SCN8A: variants seen among roughly 807,000 people sequenced by gnomAD.
The protein encoded by SCN8A is sodium voltage-gated channel alpha subunit 8.
A neutral mutation model predicts 184.1 loss-of-function variants in SCN8A; 30 were observed. That is an observed-to-expected ratio of 0.16 (90% CI 0.12 to 0.22). The LOEUF (loss-of-function observed/expected upper bound fraction) is 0.22, where lower values mean the gene tolerates loss of function less well. Ranked by LOEUF, SCN8A falls within the 10% of genes least tolerant of loss-of-function variation. SCN8A has a pLI of 1.00. For missense variants in SCN8A, 1,057 were observed against 2,498.9 expected (o/e 0.42, Z 12.30); for synonymous variants, 852 against 907.0 (o/e 0.94, Z 1.09).
In SCN8A at chr12:51,615,673, A is replaced by T. The variant is rs377127663; in HGVS notation, c.-55+24314A>T. On this transcript the variant is annotated intron_variant, in intron 1 of 26. Coordinates refer to ENST00000627620, the MANE Select transcript of SCN8A (RefSeq NM_001330260.2). ...GCATGAAAACCCAATCAATAATGTT[A>T]TAATTTGTGCTTTTCAACCATCATT... Among the ~76,000 whole-genome samples the T allele has an allele frequency of 3.5e-4, 53 of 152,206 alleles. 1 individual carries two copies. The South Asian group carries it at 5.6e-3, about 16-fold the overall frequency.
chr12:51,742,486 C>A (rs938197159), intron 12 of SCN8A, among the ~76,000 whole-genome samples: 3 of 151,864 alleles, frequency 2.0e-5, no homozygotes, highest in African/African-American at 7.3e-5. Context: ...GTAAAAGTTT[C>A]TTTCCCTCAG....
chr12:51,601,758 G>A (rs1409388740), intron 1 of SCN8A, among the ~76,000 whole-genome samples: 1 of 151,932 alleles, frequency 6.6e-6, no homozygotes, highest in Non-Finnish European at 1.5e-5. Context: ...GGTTCCAGTG[G>A]TGAGGCTCAG....
chr12:51,731,132 T>G (rs569128958), intron 12 of SCN8A, among the ~76,000 whole-genome samples: 18 of 152,382 alleles, frequency 1.2e-4, no homozygotes, highest in African/African-American at 4.3e-4. Context: ...ACACTTAGGT[T>G]GCTTCCAAAT....
At chr12:51,780,423 C>G (rs1937861055) in intron 20 of SCN8A, among the ~76,000 whole-genome samples, 1 of 152,004 alleles carries the variant, frequency 6.6e-6, no homozygotes, top group Non-Finnish European at 1.5e-5. Context: ...TCTTCTGCCT[C>G]TCAACCACCT....
chr12:51,627,466 C>A (rs768819450), intron 1 of SCN8A, among the ~76,000 whole-genome samples: 1 of 152,192 alleles, frequency 6.6e-6, no homozygotes, highest in Non-Finnish European at 1.5e-5. Flanking sequence ...ACTGCAATCT[C>A]TGCCTCCCAG....
At chr12:51,627,316 T>C (rs1024595690) in intron 1 of SCN8A, among the ~76,000 whole-genome samples, 3 of 152,192 alleles carry the variant, frequency 2.0e-5, no homozygotes, top group Non-Finnish European at 4.4e-5. Context: ...AGCCTTAAAG[T>C]GCAATACAAT....
At chr12:51,677,979 A>G (rs1320128497) in intron 2 of SCN8A, among the ~76,000 whole-genome samples, 2 of 152,220 alleles carry the variant, frequency 1.3e-5, no homozygotes, top group Non-Finnish European at 2.9e-5. Context: ...AGTATTGTAA[A>G]AACCCAAAGC....
chr12:51,617,803 G>T (rs1024825357), intron 1 of SCN8A, among the ~76,000 whole-genome samples: 2 of 152,144 alleles, frequency 1.3e-5, no homozygotes, highest in African/African-American at 4.8e-5. Flanking sequence ...GTGGGCTGGG[G>T]TCCAAAATCA....
chr12:51,801,929 C>G (rs1938567177), intron 26 of SCN8A, among the ~76,000 whole-genome samples: 1 of 152,138 alleles, frequency 6.6e-6, no homozygotes, highest in African/African-American at 2.4e-5. Context: ...GTGGCATGCA[C>G]CTGTAACCCC....
chr12:51,679,721 C>CTTT (rs34564079), intron 2 of SCN8A, among the ~76,000 whole-genome samples: 21 of 85,480 alleles, frequency 2.5e-4, no homozygotes, highest in South Asian at 2.3e-3. Flanking sequence ...ACTATCTTGC[C>CTTT]TTTTTTTTTT....
intron 14 of SCN8A, among the ~76,000 whole-genome samples, chr12:51,760,434 T>C (rs1319260630): frequency 6.6e-6 from 1 of 152,222 alleles, no homozygotes; most frequent in Non-Finnish European, 1.5e-5. Context: ...CAACACCACA[T>C]AACTATGTCA....
At position 51,678,980 on chromosome 12, in the gene SCN8A, G is replaced by A. The variant is rs531475015; in HGVS notation, c.277-5194G>A. ...AGTCCCAGCTACTCGGGAGGCTGAG[G>A]CAGGAGAATGGCATGAACCCAGGAG... On this transcript the variant is annotated intron_variant, in intron 2 of 26. Coordinates refer to ENST00000627620, the MANE Select transcript of SCN8A (RefSeq NM_001330260.2). 3.5e-3 allele frequency among the ~76,000 whole-genome samples: 537 copies of A among 152,142 alleles called. 7 individuals carry two copies. The highest frequency in any genetic ancestry group is 4.8e-3 in the Non-Finnish European group (328 of 68,002).
intron 11 of SCN8A, among the ~76,000 whole-genome samples, chr12:51,708,366 G>C (rs769776100): frequency 2.0e-5 from 3 of 152,138 alleles, no homozygotes; most frequent in Non-Finnish European, 2.9e-5. Flanking sequence ...AGAAGACTTA[G>C]GGTAATTGTT....
chr12:51,662,278 G>T (rs1565878103), intron 1 of SCN8A, among the ~76,000 whole-genome samples: 1 of 152,162 alleles, frequency 6.6e-6, no homozygotes, highest in Non-Finnish European at 1.5e-5. Flanking sequence ...AAAGTTTGAA[G>T]GGTTTATTTT....
rs1942974227 is a variant in SCN8A at position 51,774,257 on chromosome 12, C to T, written c.3714C>T (p.Val1238=). The change falls in exon 20 of 27, where the codon GTC becomes GTT. Residue 1238 remains valine (V), a synonymous_variant. Coordinates refer to ENST00000627620, the MANE Select transcript of SCN8A (RefSeq NM_001330260.2). ...IRTILEYADK[V]FTYIFILEML... is the part of the protein sequence containing the mutation. Reference sequence around the variant, plus strand: ...CCATCCTGGAATATGCTGACAAAGTCTTCACCTATATCTTCATCCTGGAGA... The same window carrying T: ...CCATCCTGGAATATGCTGACAAAGTTTTCACCTATATCTTCATCCTGGAGA... 1 of 1,614,024 alleles carries T rather than the reference C, an allele frequency of 6.2e-7. No homozygotes were observed. The highest frequency in any genetic ancestry group is 1.1e-5 in the South Asian group (1 of 91,082).
chr12:51,754,493 A>G lies in SCN8A; in HGVS notation c.2370+2900A>G, dbSNP rs569515072. ...TTACAATGTTGTGAAGTAAAGTATGACCTTGTCCTGTGGTTGGAATGTGAG... is the reference window on the plus strand; with the variant it reads ...TTACAATGTTGTGAAGTAAAGTATGGCCTTGTCCTGTGGTTGGAATGTGAG... On this transcript the variant is annotated intron_variant, in intron 14 of 26. Transcript: ENST00000627620. Among the ~76,000 whole-genome samples, 9 of 152,156 alleles carry G rather than the reference A, an allele frequency of 5.9e-5. No homozygotes were observed. In the East Asian group the frequency reaches 1.4e-3, roughly 23 times the overall value.
chr12:51,620,194 A>G (rs1049020771), intron 1 of SCN8A, among the ~76,000 whole-genome samples: 4 of 152,302 alleles, frequency 2.6e-5, no homozygotes, highest in South Asian at 4.1e-4. Flanking sequence ...TTTCAATACA[A>G]TGGAGCATTT....
intron 6 of SCN8A, among the ~76,000 whole-genome samples, chr12:51,698,045 G>T (rs1381332155): frequency 6.6e-6 from 1 of 152,090 alleles, no homozygotes; most frequent in Non-Finnish European, 1.5e-5. Context: ...GTAGAGATGG[G>T]GTTTCACCGT....
At chr12:51,610,754 G>A (rs1000802690) in intron 1 of SCN8A, among the ~76,000 whole-genome samples, 27 of 152,162 alleles carry the variant, frequency 1.8e-4, no homozygotes, top group African/African-American at 6.3e-4. Context: ...GGTTTCTGAT[G>A]AGAAATCTGC....
Sources: gnomAD v4.1 joint callset for allele counts (sites outside exome capture counted in the v4.1 genomes callset) on GRCh38, gnomAD v4.1.1 for gene constraint, MANE v1.5 for transcripts, NCBI Gene and HGNC (gene_info 2026-07-23, HGNC 2026-07-21) for gene names.